RPA1: variants seen among roughly 807,000 people sequenced by gnomAD.
RPA1 encodes the protein replication protein A 70 kDa DNA-binding subunit.
A neutral mutation model predicts 83.0 loss-of-function variants in RPA1; 49 were observed. The observed-to-expected ratio is 0.59, with a 90% CI of 0.47 to 0.75. The LOEUF is 0.75. Among genes scored for constraint, RPA1 ranks in the 30% least tolerant of loss-of-function variants. The pLI is 0.00. For synonymous variants in RPA1, 279 were observed against 281.8 expected (o/e 0.99, Z 0.10); for missense variants, 693 against 776.1 (o/e 0.89, Z 1.27).
At chr17:1,871,642 G>T (rs1913379523) in intron 5 of RPA1, among the ~76,000 whole-genome samples, 1 of 152,170 alleles carries the variant, frequency 6.6e-6, no homozygotes, top group Admixed American at 6.5e-5. Flanking sequence ...TTCACAAAAT[G>T]AGGCATATTT....
At chr17:1,847,471 T>C (rs1230230937) in intron 4 of RPA1, among the ~76,000 whole-genome samples, 1 of 152,228 alleles carries the variant, frequency 6.6e-6, no homozygotes, top group Non-Finnish European at 1.5e-5. Context: ...CTGATGGCAC[T>C]GCCTCAGCTT....
rs754617982 is a variant in RPA1 at position 1,883,930 on chromosome 17, G to A, written c.1360G>A (p.Gly454Ser). The A allele has an allele frequency of 6.2e-7, 1 of 1,613,914 alleles. No homozygotes were observed. Among genetic ancestry groups the A allele is most frequent in the South Asian group, 1.1e-5 (1 of 91,072 alleles). ...TLYEVKSENL[G>S]QGDKPDYFSS... ...GTATGAGGTCAAATCCGAGAACCTG[G>A]GCCAAGGCGACAAGGTACCCAGCAT... The change falls in exon 13 of 17, where the codon GGC (glycine) becomes AGC (serine). Residue 454 changes from glycine to serine, a missense_variant. Transcript: ENST00000254719.
chr17:1,856,304 A>G (rs1912692991), intron 5 of RPA1, among the ~76,000 whole-genome samples: 1 of 148,698 alleles, frequency 6.7e-6, no homozygotes, highest in South Asian at 2.1e-4. Context: ...CCCCATAAAA[A>G]AAAAAAAAAA....
chr17:1,872,037 TG>T (rs1913393446), intron 5 of RPA1: 1 of 178,820 alleles, frequency 5.6e-6, no homozygotes, highest in African/African-American at 2.4e-5. Context: ...CTTTTTCTTC[TG>T]ATTGATCCTG....
At chr17:1,878,629 C>T (rs1042600865) in intron 8 of RPA1, among the ~76,000 whole-genome samples, 1 of 152,210 alleles carries the variant, frequency 6.6e-6, no homozygotes, top group Non-Finnish European at 1.5e-5. Flanking sequence ...GCACCTTCCT[C>T]GTGGGCTCTG....
Position 1,888,676 on chromosome 17 carries a change from C to A in RPA1, c.1376C>A (p.Pro459Gln). 6.2e-7 allele frequency: 1 copy of A among 1,608,270 alleles called. No individual in the cohort carries two copies. Residue 459 changes from proline (P) to glutamine (Q), a missense_variant and splice_region_variant, in exon 14 of 17, where the codon CCG (proline) becomes CAG (glutamine). Pro to Gln is a moderately conservative substitution (Grantham distance 76, BLOSUM62 -1). Transcript: ENST00000254719. ...TCATGCTGTTCTTTTCTCCCGAAGC[C>A]GGACTACTTTAGTTCTGTGGCCACA... ...KSENLGQGDK[P>Q]DYFSSVATVV...
intron 16 of RPA1, among the ~76,000 whole-genome samples, chr17:1,895,659 G>GTATTATTTATT (rs149258342): frequency 0.28 from 39,107 of 141,698 alleles, 6,402 homozygotes; most frequent in Non-Finnish European, 0.34. Context: ...ATACCATATA[G>GTATTATTTATT]TATTTATTTA....
chr17:1,831,302 C>G (rs982590024), intron 1 of RPA1, among the ~76,000 whole-genome samples: 1 of 152,184 alleles, frequency 6.6e-6, no homozygotes, highest in Non-Finnish European at 1.5e-5. Flanking sequence ...CAGTGCTAAC[C>G]AGAAATTGAG....
chr17:1,848,534 C>G (rs113811817), intron 4 of RPA1, among the ~76,000 whole-genome samples: 3,871 of 151,844 alleles, frequency 0.025, 157 homozygotes, highest in African/African-American at 0.087. Flanking sequence ...TTGCTTCAAC[C>G]CGGGAGGCAG....
Position 1,878,807 on chromosome 17 carries a change from G to A in RPA1, c.691-186G>A, listed in dbSNP as rs970952203. Among the ~76,000 whole-genome samples the A allele has an allele frequency of 2.9e-4, 44 of 152,206 alleles. 2 individuals are homozygous for A. On this transcript the variant is annotated intron_variant, in intron 8 of 16. Coordinates refer to ENST00000254719, the MANE Select transcript of RPA1 (RefSeq NM_002945.5). ...TCAGCGGGGCCAGTGACTTCAGTGT[G>A]TGACTGTAAAATGCGGGTTCCTGGG...
At chr17:1,861,347 C>T (rs538257859) in intron 5 of RPA1, among the ~76,000 whole-genome samples, 1 of 152,334 alleles carries the variant, frequency 6.6e-6, no homozygotes, top group South Asian at 2.1e-4. Flanking sequence ...GCTCGCTTTC[C>T]TGTGCACAGC....
At position 1,879,606 on chromosome 17, in the gene RPA1, A is replaced by G; in HGVS notation, c.999A>G (p.Thr333=). The change falls in exon 11 of 17, where the codon ACA becomes ACG. Residue 333 remains threonine, a synonymous_variant. Transcript: ENST00000254719. ...CKSYEDATKI[T]VRSNNREVAK... is the part of the protein sequence containing the mutation. The stretch of plus-strand genomic sequence containing the variant: ...GCTATGAAGACGCCACTAAAATCAC[A>G]GTGAGGTCTAACAACAGAGAAGTTG... 6.2e-7 allele frequency: 1 copy of G among 1,614,258 alleles called. No individual in the cohort carries two copies. Among genetic ancestry groups the G allele is most frequent in the Middle Eastern group, 1.6e-4 (1 of 6,062 alleles).
chr17:1,886,465 A>G (rs1327348764), intron 13 of RPA1, among the ~76,000 whole-genome samples: 1 of 152,026 alleles, frequency 6.6e-6, no homozygotes, highest in Non-Finnish European at 1.5e-5. Flanking sequence ...ATTGATTTCT[A>G]CTCTCTAGGA....
intron 12 of RPA1, among the ~76,000 whole-genome samples, chr17:1,882,897 G>A (rs1319141564): frequency 6.6e-6 from 1 of 152,220 alleles, no homozygotes; most frequent in Admixed American, 6.5e-5. Flanking sequence ...TAGGCCTGGG[G>A]TGGTCTGGCC....
intron 4 of RPA1, among the ~76,000 whole-genome samples, chr17:1,846,756 A>G (rs939482625): frequency 1.3e-5 from 2 of 152,142 alleles, no homozygotes; most frequent in African/African-American, 2.4e-5. Flanking sequence ...TTTTTTACAT[A>G]CGTTGTAGAT....
intron 5 of RPA1, among the ~76,000 whole-genome samples, chr17:1,866,203 C>T (rs1311443885): frequency 6.6e-6 from 1 of 152,146 alleles, no homozygotes; most frequent in Non-Finnish European, 1.5e-5. Flanking sequence ...GGCTGTGCCA[C>T]TACACTCCAG....
intron 1 of RPA1, among the ~76,000 whole-genome samples, chr17:1,831,477 C>T (rs1013443856): frequency 5.3e-5 from 8 of 152,092 alleles, no homozygotes; most frequent in Admixed American, 1.3e-4. Flanking sequence ...AGCATACGTT[C>T]CTGCCACCAT....
chr17:1,876,828 T>G (rs1359175401), intron 7 of RPA1, among the ~76,000 whole-genome samples: 1 of 152,226 alleles, frequency 6.6e-6, no homozygotes, highest in Admixed American at 6.5e-5. Flanking sequence ...GAGACAGAAG[T>G]GTAACACCAG....
At chr17:1,869,498 G>A (rs567770276) in intron 5 of RPA1, among the ~76,000 whole-genome samples, 7 of 151,438 alleles carry the variant, frequency 4.6e-5, no homozygotes, top group South Asian at 2.1e-4. Flanking sequence ...AGATGGCGCC[G>A]TTGCACTCCA....
Sources: gnomAD v4.1 joint callset for allele counts (sites outside exome capture counted in the v4.1 genomes callset) on GRCh38, gnomAD v4.1.1 for gene constraint, MANE v1.5 for transcripts, NCBI Gene and HGNC (gene_info 2026-07-23, HGNC 2026-07-21) for gene names.